The following DGKG variants were observed in gnomAD, a reference collection of about 807,000 sequenced individuals.
The protein encoded by DGKG is diacylglycerol kinase gamma, also known as DAG kinase gamma.
DGKG carries 78 observed loss-of-function variants against 105.3 expected under a neutral mutation model. The ratio of observed to expected loss-of-function variants is 0.74; its 90% CI spans 0.62 to 0.89. DGKG has a LOEUF of 0.89. Among genes scored for constraint, DGKG ranks in the 40% least tolerant of loss-of-function variants. The probability of loss-of-function intolerance (pLI) is 0.00; values close to 1 mark genes in which losing one functional copy is unlikely to be tolerated. For synonymous variants in DGKG, 346 were observed against 367.1 expected, an observed-to-expected ratio of 0.94 and a Z score of 0.66; for missense variants, 958 against 1,020.1, an observed-to-expected ratio of 0.94 and a Z score of 0.83.
At chr3:186,313,181 A>G (rs1379405522) in intron 2 of DGKG, among the ~76,000 whole-genome samples, 2 of 152,162 alleles carry the variant, frequency 1.3e-5, no homozygotes, top group Non-Finnish European at 2.9e-5. Context: ...TTGCCTACAA[A>G]CTGTGATTAA....
At position 186,273,367 on chromosome 3, in the gene DGKG, C is replaced by CCTTTTTTTTTTTTTTTTTTTTT. The variant is rs1553811123; in HGVS notation, c.911-1025_911-1024insAAAAAAAAAAAAAAAAAAAAAG. Among the ~76,000 whole-genome samples, 5 of 85,598 alleles carry CCTTTTTTTTTTTTTTTTTTTTT rather than the reference C, an allele frequency of 5.8e-5. 2 individuals carry two copies. The highest frequency in any genetic ancestry group is 4.6e-5 in the Non-Finnish European group (2 of 43,342). The allele number at this position is 85,598 out of a possible 152,430, so 56.2% of individuals were successfully genotyped here. Reference sequence around the variant, plus strand: ...TGGCGCTGGGGAGACTGTTGTACCCCTTTTTTTTTTTTTTTTTTTTTTTTT... The same window carrying CCTTTTTTTTTTTTTTTTTTTTT: ...TGGCGCTGGGGAGACTGTTGTACCCCCTTTTTTTTTTTTTTTTTTTTTTTTTTTTTTTTTTTTTTTTTTTTTT... On this transcript the variant is annotated intron_variant, in intron 10 of 24. Transcript: ENST00000265022.
At chr3:186,313,727 C>T (rs1302139800) in intron 2 of DGKG, among the ~76,000 whole-genome samples, 1 of 152,164 alleles carries the variant, frequency 6.6e-6, no homozygotes, top group Non-Finnish European at 1.5e-5. Flanking sequence ...CATAGAAATT[C>T]CTCCCTATCC....
intron 23 of DGKG, among the ~76,000 whole-genome samples, 173 bp downstream of exon 23, chr3:186,164,725 C>T (rs180920662): frequency 3.9e-5 from 6 of 152,270 alleles, no homozygotes; most frequent in Admixed American, 1.3e-4. Flanking sequence ...TTTAGATGGG[C>T]GCATTATATC....
intron 2 of DGKG, 99 bp downstream of exon 2, chr3:186,320,293 TC>T (rs1347346525): frequency 1.4e-6 from 2 of 1,426,118 alleles, no homozygotes; most frequent in Non-Finnish European, 9.7e-7. Context: ...CTGACATCAT[TC>T]TTTGTGGCTT....
chr3:186,257,372 A>G (rs1423947288), intron 17 of DGKG, among the ~76,000 whole-genome samples: 1 of 152,338 alleles, frequency 6.6e-6, no homozygotes, highest in African/African-American at 2.4e-5. Flanking sequence ...GATGTACTCT[A>G]CTGGACACAG....
intron 6 of DGKG, among the ~76,000 whole-genome samples, chr3:186,285,610 CTCA>C (rs1219892637): frequency 6.6e-6 from 1 of 151,912 alleles, no homozygotes; most frequent in Non-Finnish European, 1.5e-5. Context: ...TGTCTGTGGT[CTCA>C]TAAGTCAGCA....
chr3:186,323,535 T>C (rs1343545276), intron 1 of DGKG, among the ~76,000 whole-genome samples: 2 of 152,188 alleles, frequency 1.3e-5, no homozygotes, highest in Admixed American at 1.3e-4. Context: ...GGCTTATGCC[T>C]GTAATCCCAT....
At position 186,297,595 on chromosome 3, in the gene DGKG, C is replaced by T. The variant is rs867422153; in HGVS notation, c.311-112G>A. ...GTTTGCCTTGATTGTGTCTGTGTCT[C>T]GGGGTTATGTGTCAGCTGGGTTCAT... On this transcript the variant is annotated intron_variant, in intron 4 of 24. Transcript: ENST00000265022. The T allele has an allele frequency of 1.3e-4, 102 of 766,194 alleles. 1 individual carries two copies. The Middle Eastern group carries it at 1.9e-3, about 15-fold the overall frequency. The allele number at this position is 766,194 out of a possible 1,614,324, so 47.5% of individuals were successfully genotyped here.
intron 21 of DGKG, among the ~76,000 whole-genome samples, chr3:186,199,766 G>A (rs970680146): frequency 1.3e-5 from 2 of 152,144 alleles, no homozygotes; most frequent in Non-Finnish European, 2.9e-5. Flanking sequence ...GCCTGCCTCA[G>A]CCTCCCACAG....
chr3:186,285,679 CTTT>C (rs34275225), intron 6 of DGKG, among the ~76,000 whole-genome samples: 7 of 133,228 alleles, frequency 5.3e-5, no homozygotes, highest in Admixed American at 7.7e-5. Flanking sequence ...TTCTTTCTTT[CTTT>C]TTTTTTTTTT....
At chr3:186,200,175 G>C (rs1289404336) in intron 21 of DGKG, among the ~76,000 whole-genome samples, 1 of 152,154 alleles carries the variant, frequency 6.6e-6, no homozygotes, top group Non-Finnish European at 1.5e-5. Context: ...GCTCAGTGAA[G>C]ATGAAAAGGA....
chr3:186,298,540 T>C (rs1412813866), intron 3 of DGKG, among the ~76,000 whole-genome samples: 1 of 152,140 alleles, frequency 6.6e-6, no homozygotes, highest in African/African-American at 2.4e-5. Flanking sequence ...AAAAGGGACA[T>C]GTTGGAGAGT....
At chr3:186,259,455 T>C (rs906899818) in intron 16 of DGKG, among the ~76,000 whole-genome samples, 2 of 151,946 alleles carry the variant, frequency 1.3e-5, no homozygotes, top group Non-Finnish European at 2.9e-5. Flanking sequence ...TCATGGCAGG[T>C]GTACTGAATC....
At chr3:186,196,140 T>C (rs1340663981) in intron 21 of DGKG, among the ~76,000 whole-genome samples, 1 of 145,898 alleles carries the variant, frequency 6.9e-6, no homozygotes, top group Non-Finnish European at 1.5e-5. Flanking sequence ...TTTCTTTCTT[T>C]TTTTTTTTTT....
At chr3:186,254,237 A>G (rs901496527) in intron 17 of DGKG, among the ~76,000 whole-genome samples, 2 of 152,206 alleles carry the variant, frequency 1.3e-5, no homozygotes, top group Non-Finnish European at 2.9e-5. Context: ...GGAGAGATGC[A>G]GGAATCAGCA....
chr3:186,217,731 C>A (rs192113123), intron 20 of DGKG, among the ~76,000 whole-genome samples: 78 of 152,324 alleles, frequency 5.1e-4, no homozygotes, highest in Middle Eastern at 3.4e-3. Context: ...TTCACTTTAC[C>A]AGCAGAGGCT....
chr3:186,237,858 T>C (rs1720490095), intron 20 of DGKG, among the ~76,000 whole-genome samples: 1 of 152,202 alleles, frequency 6.6e-6, no homozygotes, highest in Non-Finnish European at 1.5e-5. Context: ...AATGCTAATA[T>C]TTATCTTGAA....
At chr3:186,193,050 T>G (rs1717982578) in intron 21 of DGKG, among the ~76,000 whole-genome samples, 1 of 152,210 alleles carries the variant, frequency 6.6e-6, no homozygotes, top group Non-Finnish European at 1.5e-5. Flanking sequence ...ATCCTCACTC[T>G]GCTTTCTAGG....
At chr3:186,265,430 A>G (rs1249221136) in intron 13 of DGKG, 124 bp from the exon 14 acceptor site, 2 of 867,508 alleles carry the variant, frequency 2.3e-6, no homozygotes, top group African/African-American at 3.4e-5. Context: ...TAGTATGGAG[A>G]CGAGGTTTTC....
Sources: allele counts gnomAD v4.1 joint callset (sites outside exome capture counted in the v4.1 genomes callset), GRCh38; gene constraint gnomAD v4.1.1; transcripts MANE v1.5; gene names NCBI Gene and HGNC (gene_info 2026-07-23, HGNC 2026-07-21).